PLS3: variants seen among roughly 807,000 people sequenced by gnomAD.
PLS3 encodes the protein plastin-3.
In PLS3, 11 loss-of-function variants were observed where a neutral mutation model predicts 46.5. That is an observed-to-expected ratio of 0.24 (90% confidence interval 0.15 to 0.39). PLS3 has a LOEUF of 0.39. Ranked by LOEUF, PLS3 falls within the 10% of genes least tolerant of loss-of-function variation. The probability of loss-of-function intolerance (pLI) is 1.00; values close to 1 mark genes in which losing one functional copy is unlikely to be tolerated. For missense variants in PLS3, 308 were observed against 461.8 expected (o/e 0.67, Z 3.05); for synonymous variants, 167 against 162.2 (o/e 1.03, Z -0.22).
chrX:115,635,388 C>T (rs1468321011), intron 7 of PLS3, among the ~76,000 whole-genome samples: 2 of 110,342 alleles, frequency 1.8e-5, no homozygotes, highest in Non-Finnish European at 3.8e-5. Flanking sequence ...CACCATTTTG[C>T]ACCATCTTCT....
intron 1 of PLS3, among the ~76,000 whole-genome samples, chrX:115,590,665 C>T (rs2074338489): frequency 9.1e-6 from 1 of 110,477 alleles, no homozygotes; most frequent in Non-Finnish European, 1.9e-5. Context: ...ACTAAAAATA[C>T]AAAAATTAGC....
At position 115,649,854 on chromosome X, in the gene PLS3, A is replaced by G. The variant is rs1357575121; in HGVS notation, c.*293A>G. On this transcript the variant is annotated 3_prime_UTR_variant, in exon 16 of 16. Coordinates refer to ENST00000355899, the MANE Select transcript of PLS3 (RefSeq NM_005032.7). ...TGCCCTTGACATTTCCCATTGCTGT[A>G]TGTTATTTCTTGCTCTGTTATCTTT... is the stretch of plus-strand genomic sequence containing the variant. 2 of 182,704 alleles carry G rather than the reference A, an allele frequency of 1.1e-5. No homozygotes were observed. Among genetic ancestry groups the G allele is most frequent in the Non-Finnish European group, 2.1e-5 (2 of 96,638 alleles). 15.1% of individuals were successfully genotyped at this position (182,704 alleles called of 1,213,427 possible).
intron 3 of PLS3, among the ~76,000 whole-genome samples, chrX:115,623,267 G>A (rs926228278): frequency 8.5e-4 from 95 of 111,776 alleles, no homozygotes; most frequent in Non-Finnish European, 1.1e-3. Context: ...GAGGCAGGAG[G>A]GTCTCTTGAG....
At chrX:115,580,036 A>T (rs1358817555) in intron 1 of PLS3, among the ~76,000 whole-genome samples, 1 of 111,783 alleles carries the variant, frequency 8.9e-6, no homozygotes, top group Admixed American at 9.5e-5. Context: ...CTGTTTTCTA[A>T]TTGGATTATT....
At chrX:115,613,662 CAT>C (rs1473149089) in intron 2 of PLS3, among the ~76,000 whole-genome samples, 4 of 111,471 alleles carry the variant, frequency 3.6e-5, no homozygotes, top group African/African-American at 1.3e-4. Context: ...TAGGAGTACA[CAT>C]GTGTGGGTGC....
At chrX:115,599,563 C>A in intron 1 of PLS3, among the ~76,000 whole-genome samples, 1 of 102,009 alleles carries the variant, frequency 9.8e-6, no homozygotes. Flanking sequence ...CAGTTAATTA[C>A]CTTTCCTCCA....
intron 2 of PLS3, among the ~76,000 whole-genome samples, chrX:115,615,230 T>C (rs191021243): frequency 9.0e-6 from 1 of 110,964 alleles, no homozygotes; most frequent in Non-Finnish European, 1.9e-5. Flanking sequence ...CTGGCTTAGC[T>C]TTCTCCAGAC....
At chrX:115,574,832 G>C (rs900736013) in intron 1 of PLS3, among the ~76,000 whole-genome samples, 2 of 112,308 alleles carry the variant, frequency 1.8e-5, no homozygotes, top group Non-Finnish European at 3.8e-5. Flanking sequence ...GCCCACCTCG[G>C]CTTCCCAAAG....
intron 1 of PLS3, among the ~76,000 whole-genome samples, chrX:115,604,924 G>A (rs1178219078): frequency 9.0e-6 from 1 of 111,717 alleles, no homozygotes; most frequent in African/African-American, 3.2e-5. Context: ...TAGTCTTAAG[G>A]ACAGACCATT....
chrX:115,615,090 T>G (rs1556636604), intron 2 of PLS3, among the ~76,000 whole-genome samples: 2 of 111,067 alleles, frequency 1.8e-5, no homozygotes, highest in African/African-American at 6.6e-5. Flanking sequence ...AAAATCCTAG[T>G]CTTTCTTACT....
At chrX:115,568,909 G>A (rs1362195614) in intron 1 of PLS3, among the ~76,000 whole-genome samples, 3 of 110,922 alleles carry the variant, frequency 2.7e-5, no homozygotes, top group Non-Finnish European at 5.7e-5. Flanking sequence ...GGTGGCGCAC[G>A]CCTGTAATCC....
rs782650460 is a variant in PLS3, at chrX:115,650,770, T to A, written c.*1209T>A. ...TTCTGATGTATTCTGTAAAATGGTG[T>A]TTGTTAAATTTGAGTTTTGGGAGCT... On this transcript the variant is annotated 3_prime_UTR_variant, in exon 16 of 16. Transcript: ENST00000355899. 7.1e-5 allele frequency: 8 copies of A among 112,189 alleles called. No individual in the cohort carries two copies. The highest frequency in any genetic ancestry group is 1.9e-4 in the Admixed American group (2 of 10,422). 9.2% of individuals were successfully genotyped at this position (112,189 alleles called of 1,213,427 possible).
At position 115,649,696 on chromosome X, in the gene PLS3, C is replaced by T; in HGVS notation, c.*135C>T. ...TTTTCATTTTGATTAACAGGACTAG[C>T]TTATCATGAGAGCCCTCAGGGGAAA... is the stretch of plus-strand genomic sequence containing the variant. On this transcript the variant is annotated 3_prime_UTR_variant, in exon 16 of 16. Transcript: ENST00000355899. The T allele has an allele frequency of 2.0e-6, 1 of 511,714 alleles. No homozygotes were observed. The highest frequency in any genetic ancestry group is 5.8e-4 in the Middle Eastern group (1 of 1,715). The allele number at this position is 511,714 out of a possible 1,213,427, so 42.2% of individuals were successfully genotyped here.
rs2074739403 is a variant in PLS3, at chrX:115,629,096, A to G, written c.238-102A>G. ...TTTTTTGTATCTTTTAACATCAGCT[A>G]TGGAAAAAATGTAAGTGATCAAGAT... On this transcript the variant is annotated intron_variant, in intron 3 of 15. Transcript: ENST00000355899. The G allele has an allele frequency of 8.7e-6, 5 of 575,230 alleles. No homozygotes were observed. In the South Asian group the frequency reaches 1.5e-4, roughly 17 times the overall value. The allele number at this position is 575,230 out of a possible 1,213,427, so 47.4% of individuals were successfully genotyped here. A position where few individuals can be genotyped will look rare whatever the true frequency, so the allele number is the denominator to read the frequency against.
intron 1 of PLS3, among the ~76,000 whole-genome samples, chrX:115,571,308 A>C (rs1283278113): frequency 2.1e-4 from 23 of 111,952 alleles, no homozygotes; most frequent in Non-Finnish European, 3.8e-5. Flanking sequence ...ACTTCAGCTC[A>C]GGAGTTCGAA....
chrX:115,649,616 G>C lies in PLS3; in HGVS notation c.*55G>C. 2.7e-6 allele frequency: 3 copies of C among 1,107,326 alleles called. No homozygotes were observed. Among genetic ancestry groups the C allele is most frequent in the Non-Finnish European group, 3.7e-6 (3 of 817,437 alleles). The allele number at this position is 1,107,326 out of a possible 1,213,427, so 91.3% of individuals were successfully genotyped here. ...TCCCAGGTGCATGATTCGCAGGTCA[G>C]CTATTTCCAGGTGAAGTGCTTATGG... On this transcript the variant is annotated 3_prime_UTR_variant, in exon 16 of 16. Coordinates refer to ENST00000355899, the MANE Select transcript of PLS3 (RefSeq NM_005032.7).
chrX:115,633,103 T>A (rs1232517900), intron 5 of PLS3, among the ~76,000 whole-genome samples: 3 of 110,216 alleles, frequency 2.7e-5, no homozygotes, highest in African/African-American at 9.9e-5. Context: ...TTAAAAAAAA[T>A]TGAAAGAGAA....
chrX:115,628,028 G>A (rs1175469300), intron 3 of PLS3, among the ~76,000 whole-genome samples: 2 of 112,082 alleles, frequency 1.8e-5, no homozygotes, highest in Non-Finnish European at 3.8e-5. Context: ...ACTTTCTCTA[G>A]ATGGATTAAT....
intron 14 of PLS3, 69 bp from the exon 15 acceptor site, chrX:115,647,824 T>A: frequency 8.5e-7 from 1 of 1,176,261 alleles, no homozygotes; most frequent in Admixed American, 2.4e-5. Flanking sequence ...TTTTTGGCAC[T>A]TGATATAAGT....
Sources: gnomAD v4.1 joint callset for allele counts (sites outside exome capture counted in the v4.1 genomes callset) on GRCh38, gnomAD v4.1.1 for gene constraint, MANE v1.5 for transcripts, NCBI Gene and HGNC (gene_info 2026-07-23, HGNC 2026-07-21) for gene names.